The following ADGRG7 variants were observed in gnomAD, a reference collection of about 807,000 sequenced individuals.
The protein encoded by ADGRG7 is G-protein coupled receptor 128.
In ADGRG7, 82 loss-of-function variants were observed where a neutral mutation model predicts 88.6. That is an observed-to-expected ratio of 0.93 (90% CI 0.77 to 1.11). The LOEUF (loss-of-function observed/expected upper bound fraction) is 1.11. Among genes scored for constraint, ADGRG7 ranks in the 50% most tolerant of loss-of-function variants. The probability of loss-of-function intolerance (pLI) is 0.00; values close to 1 mark genes in which losing one functional copy is unlikely to be tolerated. For synonymous variants in ADGRG7, 381 were observed against 345.2 expected (o/e 1.10, Z -1.15); for missense variants, 945 against 953.4 (o/e 0.99, Z 0.12).
intron 1 of ADGRG7, among the ~76,000 whole-genome samples, chr3:100,618,393 A>G (rs1707257146): frequency 6.6e-6 from 1 of 152,200 alleles, no homozygotes; most frequent in African/African-American, 2.4e-5. Flanking sequence ...TAATTTTTGT[A>G]TAAGGTATAA....
intron 1 of ADGRG7, among the ~76,000 whole-genome samples, chr3:100,620,834 T>G (rs1707300720): frequency 1.3e-5 from 1 of 74,116 alleles, no homozygotes; most frequent in Non-Finnish European, 3.5e-5. Context: ...AGGTATTATG[T>G]TTTTTTTTTT....
intron 15 of ADGRG7, among the ~76,000 whole-genome samples, chr3:100,692,437 T>A (rs1028802583): frequency 2.6e-5 from 4 of 152,304 alleles, no homozygotes; most frequent in African/African-American, 7.2e-5. Context: ...TAGGGAGGAA[T>A]CTGAATGAAG....
chr3:100,690,004 A>T (rs559546768), intron 15 of ADGRG7, among the ~76,000 whole-genome samples: 2 of 152,164 alleles, frequency 1.3e-5, no homozygotes, highest in Non-Finnish European at 2.9e-5. Context: ...CGTCACTTTC[A>T]GGTACACCAA....
intron 1 of ADGRG7, among the ~76,000 whole-genome samples, chr3:100,628,529 T>C (rs1381956768): frequency 6.6e-6 from 1 of 152,098 alleles, no homozygotes; most frequent in Non-Finnish European, 1.5e-5. Flanking sequence ...AGGTTAATTG[T>C]ATTTTTAGTA....
intron 15 of ADGRG7, among the ~76,000 whole-genome samples, chr3:100,680,135 A>G (rs931611395): frequency 6.6e-6 from 1 of 152,220 alleles, no homozygotes; most frequent in Non-Finnish European, 1.5e-5. Context: ...CAACTTTTGC[A>G]TCACATATTT....
At chr3:100,611,244 TTTCCTTCCTTCCTTCC>T (rs753816226) in intron 1 of ADGRG7, among the ~76,000 whole-genome samples, 2,332 of 64,780 alleles carry the variant, frequency 0.036, 61 homozygotes, top group African/African-American at 0.073. Flanking sequence ...TTTGTTTGTT[TTTCCTTCCTTCCTTCC>T]TTCCTTCCTT....
At position 100,694,986 on chromosome 3, in the gene ADGRG7, A is replaced by G; in HGVS notation, c.2379A>G (p.Ala793=). 1.2e-6 allele frequency: 2 copies of G among 1,614,150 alleles called. No individual in the cohort carries two copies. The highest frequency in any genetic ancestry group is 1.7e-6 in the Non-Finnish European group (2 of 1,179,992). ...TCACACTCTCTGAAAGTGACAATGC[A>G]AAGGAAAGCATCTAGACAGTAAAAC... ...EEITLSESDN[A]KESI Residue 793 remains alanine (A), a synonymous_variant, in exon 16 of 16, where the codon GCA becomes GCG. Coordinates refer to ENST00000273352, the MANE Select transcript of ADGRG7 (RefSeq NM_032787.3).
chr3:100,613,746 T>A (rs1707188731), intron 1 of ADGRG7, among the ~76,000 whole-genome samples: 1 of 152,088 alleles, frequency 6.6e-6, no homozygotes, highest in Non-Finnish European at 1.5e-5. Context: ...AGGTATTAGA[T>A]ATTTTTACTC....
intron 15 of ADGRG7, among the ~76,000 whole-genome samples, chr3:100,691,676 A>G (rs151053200): frequency 1.1e-5 from 1 of 94,610 alleles, no homozygotes; most frequent in East Asian, 2.2e-4. Context: ...TGACATTGAT[A>G]CAATCTACAT....
At chr3:100,669,532 TCAAAA>T (rs1559686613) in intron 15 of ADGRG7, among the ~76,000 whole-genome samples, 2 of 26,028 alleles carry the variant, frequency 7.7e-5, no homozygotes, top group African/African-American at 1.6e-4. Flanking sequence ...AGACTCCATC[TCAAAA>T]AAAAAAAAAA....
At chr3:100,646,767 C>T (rs752372747) in intron 10 of ADGRG7, 43 bp downstream of exon 10, 1 of 1,536,658 alleles carries the variant, frequency 6.5e-7, no homozygotes, top group South Asian at 1.2e-5. Context: ...GAGAATTTTC[C>T]TTATACACAA....
At chr3:100,666,175 G>A (rs975669261) in intron 14 of ADGRG7, among the ~76,000 whole-genome samples, 1 of 152,010 alleles carries the variant, frequency 6.6e-6, no homozygotes, top group East Asian at 1.9e-4. Context: ...ACCTGTGGGT[G>A]TTTCTCGTAA....
At chr3:100,654,522 G>A (rs536694246) in intron 11 of ADGRG7, 2 of 242,056 alleles carry the variant, frequency 8.3e-6, no homozygotes, top group Admixed American at 1.0e-4. Context: ...ACTACGCAGG[G>A]CTACCTACCA....
intron 3 of ADGRG7, among the ~76,000 whole-genome samples, chr3:100,631,387 CA>C (rs1707457953): frequency 6.6e-6 from 1 of 152,028 alleles, no homozygotes; most frequent in East Asian, 1.9e-4. Flanking sequence ...TGATAATATC[CA>C]AGATTTTGGT....
At chr3:100,664,292 G>A (rs939841922) in intron 14 of ADGRG7, among the ~76,000 whole-genome samples, 2 of 152,038 alleles carry the variant, frequency 1.3e-5, no homozygotes, top group Admixed American at 6.5e-5. Context: ...ACATTAAGCG[G>A]TGCTTTATAA....
At chr3:100,690,303 T>G (rs2094991051) in intron 15 of ADGRG7, among the ~76,000 whole-genome samples, 1 of 152,210 alleles carries the variant, frequency 6.6e-6, no homozygotes, top group Non-Finnish European at 1.5e-5. Context: ...TTTTAACTTC[T>G]TTGCCATGGG....
At position 100,633,268 on chromosome 3, in the gene ADGRG7, G is replaced by T; in HGVS notation, c.338G>T (p.Gly113Val). The T allele has an allele frequency of 1.4e-6, 2 of 1,437,824 alleles. No homozygotes were observed. The highest frequency in any genetic ancestry group is 9.2e-7 in the Non-Finnish European group (1 of 1,090,070). 89.1% of individuals were successfully genotyped at this position (1,437,824 alleles called of 1,614,324 possible). Residue 113 changes from glycine (G) to valine (V), a missense_variant, in exon 4 of 16, where the codon GGC (glycine) becomes GTC (valine). By Grantham distance (109) the Gly-to-Val change is moderately radical (BLOSUM62 -3). Coordinates refer to ENST00000273352, the MANE Select transcript of ADGRG7 (RefSeq NM_032787.3). ...QTCGKDTPNA[G>V]NPMAVRLCSL... ...AAAAAATTTCTTTGTATTAAAGCGG[G>T]CAATCCAATGGCAGTCCGGTTGTGC...
At chr3:100,612,660 T>C (rs1003006850) in intron 1 of ADGRG7, among the ~76,000 whole-genome samples, 18 of 152,190 alleles carry the variant, frequency 1.2e-4, no homozygotes, top group African/African-American at 4.3e-4. Context: ...TCAAAACACA[T>C]GAGTAGTGCC....
intron 15 of ADGRG7, among the ~76,000 whole-genome samples, chr3:100,687,805 C>T (rs898657257): frequency 3.9e-4 from 59 of 152,176 alleles, no homozygotes; most frequent in Middle Eastern, 3.4e-3. Context: ...ATTTTTGCAT[C>T]GATGTTCATC....
Sources: gnomAD v4.1 joint callset for allele counts (sites outside exome capture counted in the v4.1 genomes callset) on GRCh38, gnomAD v4.1.1 for gene constraint, MANE v1.5 for transcripts, NCBI Gene and HGNC (gene_info 2026-07-23, HGNC 2026-07-21) for gene names.